Variants in ATP8A2 observed in about 807,000 individuals in gnomAD.
ATP8A2 encodes the protein phospholipid-transporting ATPase IB.
A neutral mutation model predicts 165.6 loss-of-function variants in ATP8A2; 100 were observed. The ratio of observed to expected loss-of-function variants is 0.60; its 90% CI spans 0.51 to 0.71. The LOEUF is 0.71. Among genes scored for constraint, ATP8A2 ranks in the 30% least tolerant of loss-of-function variants. ATP8A2 has a pLI of 0.00. For missense variants in ATP8A2, 1,227 were observed against 1,479.5 expected, an observed-to-expected ratio of 0.83 and a Z score of 2.80; for synonymous variants, 543 against 548.8, an observed-to-expected ratio of 0.99 and a Z score of 0.15.
chr13:25,437,333 T>A (rs1036546432), intron 1 of ATP8A2, among the ~76,000 whole-genome samples: 10 of 152,182 alleles, frequency 6.6e-5, no homozygotes, highest in Non-Finnish European at 1.5e-4. Context: ...ACTTGGAAGG[T>A]GTGCCCATAA....
At chr13:25,642,667 T>C (rs1439934131) in intron 24 of ATP8A2, among the ~76,000 whole-genome samples, 1 of 151,884 alleles carries the variant, frequency 6.6e-6, no homozygotes, top group African/African-American at 2.4e-5. Flanking sequence ...AGTTCAACCA[T>C]TGTGTAAGAC....
At chr13:25,757,277 A>G (rs1421824803) in intron 25 of ATP8A2, among the ~76,000 whole-genome samples, 1 of 152,182 alleles carries the variant, frequency 6.6e-6, no homozygotes, top group African/African-American at 2.4e-5. Flanking sequence ...AAGAAAAAGC[A>G]TCGCTCCCTG....
At chr13:25,905,556 A>C (rs1263471607) in intron 33 of ATP8A2, among the ~76,000 whole-genome samples, 1 of 152,160 alleles carries the variant, frequency 6.6e-6, no homozygotes, top group Admixed American at 6.5e-5. Flanking sequence ...CAGTTTCGCC[A>C]ACAGCGGTTG....
chr13:25,466,263 T>C (rs1014522317), intron 1 of ATP8A2, among the ~76,000 whole-genome samples: 22 of 152,294 alleles, frequency 1.4e-4, no homozygotes, highest in Admixed American at 1.3e-4. Flanking sequence ...GATTTGTTTT[T>C]TTTAGTTGGC....
chr13:25,601,998 ACTTT>A (rs1388520135), intron 24 of ATP8A2, among the ~76,000 whole-genome samples: 1 of 151,956 alleles, frequency 6.6e-6, no homozygotes, highest in Non-Finnish European at 1.5e-5. Flanking sequence ...TTTGATAGAA[ACTTT>A]CTATTTTTTT....
intron 24 of ATP8A2, among the ~76,000 whole-genome samples, chr13:25,678,760 C>T (rs78088668): frequency 1.6e-3 from 250 of 152,232 alleles, no homozygotes; most frequent in African/African-American, 5.8e-3. Flanking sequence ...TCACTTGCTC[C>T]GTGACCTTGG....
intron 33 of ATP8A2, among the ~76,000 whole-genome samples, chr13:25,883,221 T>G (rs1451119508): frequency 6.6e-6 from 1 of 152,088 alleles, no homozygotes; most frequent in Non-Finnish European, 1.5e-5. Flanking sequence ...TGTGGCATGC[T>G]TTCTCTGCAC....
At chr13:25,775,034 C>A in intron 27 of ATP8A2, 75 bp downstream of exon 27, 2 of 840,676 alleles carry the variant, frequency 2.4e-6, no homozygotes, top group South Asian at 3.2e-5. Context: ...AAAGTCATTT[C>A]AAGGCAGGAT....
At chr13:25,588,418 G>T (rs562623368) in intron 23 of ATP8A2, among the ~76,000 whole-genome samples, 16 of 152,280 alleles carry the variant, frequency 1.1e-4, no homozygotes, top group African/African-American at 3.8e-4. Flanking sequence ...GTAGGTCTGA[G>T]CACATAAATG....
At chr13:25,891,028 A>T (rs1953343883) in intron 33 of ATP8A2, among the ~76,000 whole-genome samples, 1 of 152,198 alleles carries the variant, frequency 6.6e-6, no homozygotes, top group South Asian at 2.1e-4. Flanking sequence ...GCTGTGGGTG[A>T]GGAAATGAAC....
chr13:25,432,471 C>T (rs2034642707), intron 1 of ATP8A2, among the ~76,000 whole-genome samples: 1 of 152,176 alleles, frequency 6.6e-6, no homozygotes, highest in African/African-American at 2.4e-5. Context: ...TTTGCATAAA[C>T]ACGGAGTGAG....
At chr13:25,971,491 C>T (rs1404931678) in intron 35 of ATP8A2, among the ~76,000 whole-genome samples, 1 of 152,106 alleles carries the variant, frequency 6.6e-6, no homozygotes, top group Non-Finnish European at 1.5e-5. Flanking sequence ...CCTGTTCCTT[C>T]TTTCCTACCC....
intron 2 of ATP8A2, among the ~76,000 whole-genome samples, chr13:25,470,109 TGCAC>T (rs1434480657): frequency 6.6e-6 from 1 of 152,250 alleles, no homozygotes; most frequent in African/African-American, 2.4e-5. Flanking sequence ...ATTCCACTAC[TGCAC>T]TAACACTTGT....
intron 33 of ATP8A2, among the ~76,000 whole-genome samples, chr13:25,891,594 G>T (rs112285374): frequency 0.01 from 1,586 of 152,208 alleles, 30 homozygotes; most frequent in African/African-American, 0.035. Context: ...AAAGTGCTGC[G>T]ATTACAGGTG....
chr13:25,678,228 C>T (rs1593182173), intron 24 of ATP8A2, among the ~76,000 whole-genome samples: 1 of 152,090 alleles, frequency 6.6e-6, no homozygotes, highest in Non-Finnish European at 1.5e-5. Flanking sequence ...AAGCTGGGCT[C>T]ACCAAGCTAG....
intron 8 of ATP8A2, among the ~76,000 whole-genome samples, chr13:25,540,783 T>G (rs981812773): frequency 6.6e-6 from 1 of 152,086 alleles, no homozygotes; most frequent in African/African-American, 2.4e-5. Context: ...GTGATATAAT[T>G]AGATAAAAAA....
At chr13:25,827,991 C>T in intron 27 of ATP8A2, 127 bp from the exon 28 acceptor site, 1 of 734,234 alleles carries the variant, frequency 1.4e-6, no homozygotes, top group Non-Finnish European at 2.5e-6. Context: ...CTGCTGCAGT[C>T]CCTGTGGCTC....
chr13:25,375,158 T>G (rs1410328642), intron 1 of ATP8A2, among the ~76,000 whole-genome samples: 1 of 152,208 alleles, frequency 6.6e-6, no homozygotes, highest in African/African-American at 2.4e-5. Context: ...GTGCTTACAG[T>G]CTGCTCAGGG....
chr13:25,372,326 G>C lies in ATP8A2; in HGVS notation c.76+38G>C. The C allele has an allele frequency of 5.0e-6, 7 of 1,393,756 alleles. No homozygotes were observed. Among genetic ancestry groups the C allele is most frequent in the South Asian group, 1.4e-5 (1 of 71,128 alleles). 86.3% of individuals were successfully genotyped at this position (1,393,756 alleles called of 1,614,324 possible). On this transcript the variant is annotated intron_variant, in intron 1 of 36. Transcript: ENST00000381655. The surrounding 1 kb of genome is among the most constrained non-coding windows in gnomAD (Gnocchi z 4.8). ...GGGCGCGGCGAGGGAGGGTGGGCCC[G>C]GGGCGGGGGCGGCGCGGGGCGCGCC...
Sources: gnomAD v4.1 joint callset for allele counts (sites outside exome capture counted in the v4.1 genomes callset) on GRCh38, gnomAD v4.1.1 for gene constraint, Gnocchi (gnomAD v3.1) non-coding constraint, MANE v1.5 for transcripts, NCBI Gene and HGNC (gene_info 2026-07-23, HGNC 2026-07-21) for gene names.